Variants in MTUS2 observed in about 807,000 individuals in gnomAD.
MTUS2 encodes the protein microtubule-associated tumor suppressor candidate 2.
Under a neutral mutation model 114.1 loss-of-function variants are expected in MTUS2, and 40 were observed. The observed-to-expected ratio is 0.35, with a 90% CI of 0.27 to 0.46. MTUS2 has a LOEUF of 0.46. Among genes scored for constraint, MTUS2 ranks in the 20% least tolerant of loss-of-function variants. MTUS2 has a pLI of 1.00. For missense variants in MTUS2, 1,679 were observed against 1,705.4 expected, an observed-to-expected ratio of 0.98 and a Z score of 0.27; for synonymous variants, 688 against 672.0, an observed-to-expected ratio of 1.02 and a Z score of -0.37.
At chr13:28,944,826 G>C (rs996844147) in intron 2 of MTUS2, among the ~76,000 whole-genome samples, 1 of 152,052 alleles carries the variant, frequency 6.6e-6, no homozygotes, top group African/African-American at 2.4e-5. Flanking sequence ...CTCTTTTACT[G>C]TCTTATAACA....
At chr13:28,891,879 A>AAAAG (rs1295616690) in intron 2 of MTUS2, among the ~76,000 whole-genome samples, 1 of 150,798 alleles carries the variant, frequency 6.6e-6, no homozygotes, top group African/African-American at 2.4e-5. Flanking sequence ...AAAAAAAAAA[A>AAAAG]AAAGAATAAC....
chr13:29,108,124 T>A (rs2138852405), intron 5 of MTUS2, among the ~76,000 whole-genome samples: 1 of 152,290 alleles, frequency 6.6e-6, no homozygotes, highest in East Asian at 1.9e-4. Flanking sequence ...AAGATCAGGG[T>A]TGACAAGAAA....
intron 2 of MTUS2, among the ~76,000 whole-genome samples, chr13:28,841,091 T>C (rs1226847265): frequency 1.3e-5 from 2 of 151,074 alleles, no homozygotes; most frequent in South Asian, 2.1e-4. Flanking sequence ...TTTTTCCCAG[T>C]AAAAGAGATT....
At chr13:28,935,759 A>T (rs1008566013) in intron 2 of MTUS2, among the ~76,000 whole-genome samples, 8 of 147,312 alleles carry the variant, frequency 5.4e-5, no homozygotes, top group Non-Finnish European at 9.0e-5. Context: ...GACCAGGCTC[A>T]TTTTTTTTTT....
At chr13:28,904,771 T>C (rs1212089999) in intron 2 of MTUS2, among the ~76,000 whole-genome samples, 2 of 152,120 alleles carry the variant, frequency 1.3e-5, no homozygotes, top group African/African-American at 2.4e-5. Flanking sequence ...TTTAAAGTAG[T>C]TTTTTCCAAT....
chr13:29,307,445 A>G, intron 6 of MTUS2: 1 of 1,319,654 alleles, frequency 7.6e-7, no homozygotes, highest in Non-Finnish European at 1.1e-6. Flanking sequence ...GTCATCCCTG[A>G]GCTGAATGGG....
chr13:28,876,867 G>C (rs949520741), intron 2 of MTUS2, among the ~76,000 whole-genome samples: 2 of 152,060 alleles, frequency 1.3e-5, no homozygotes, highest in Admixed American at 6.6e-5. Context: ...GCACATAATA[G>C]GTTGTTGATA....
At chr13:29,338,846 G>A (rs1361964926) in intron 7 of MTUS2, among the ~76,000 whole-genome samples, 1 of 152,210 alleles carries the variant, frequency 6.6e-6, no homozygotes. Context: ...CAGGGAGAAG[G>A]CAGAAGTGGG....
chr13:29,283,329 T>C (rs2139548328), intron 6 of MTUS2, among the ~76,000 whole-genome samples: 2 of 152,334 alleles, frequency 1.3e-5, no homozygotes, highest in African/African-American at 4.8e-5. Flanking sequence ...GGGTGGTGAC[T>C]GTGTCTGTTT....
chr13:29,200,541 A>C (rs1345558552), intron 5 of MTUS2, among the ~76,000 whole-genome samples: 2 of 8,012 alleles, frequency 2.5e-4, no homozygotes, highest in Middle Eastern at 0.056. Flanking sequence ...TTTTTTTGAG[A>C]TGGAGTTTTG....
chr13:29,500,880 C>T (rs911522403), intron 14 of MTUS2, among the ~76,000 whole-genome samples: 1 of 151,680 alleles, frequency 6.6e-6, no homozygotes, highest in Non-Finnish European at 1.5e-5. Context: ...AAATTTGCTA[C>T]CTACAGTGCA....
chr13:28,851,037 T>C (rs1350427663), intron 2 of MTUS2, among the ~76,000 whole-genome samples: 1 of 152,234 alleles, frequency 6.6e-6, no homozygotes, highest in Admixed American at 6.5e-5. Context: ...TATTTGCAAG[T>C]TAAAACATAT....
In MTUS2 at chr13:29,389,521, GTA is replaced by G. The variant is rs1403463536; in HGVS notation, c.3117+30054_3117+30055del. Among the ~76,000 whole-genome samples, 35 of 35,368 alleles carry G rather than the reference GTA, an allele frequency of 9.9e-4. 5 individuals are homozygous for G. The highest frequency in any genetic ancestry group is 1.3e-3 in the South Asian group (1 of 756). 23.2% of individuals were successfully genotyped at this position (35,368 alleles called of 152,430 possible). A position where few individuals can be genotyped will look rare whatever the true frequency, so the allele number is the denominator to read the frequency against. ...TATATGTATACACGTGTGTGTATGT[GTA>G]TATATGTATACACGTGTGTATATGT... On this transcript the variant is annotated intron_variant, in intron 8 of 15. Transcript: ENST00000612955.
rs574301171 is a variant in MTUS2, at chr13:29,021,616, A to G, written c.-242-2841A>G. Among the ~76,000 whole-genome samples the G allele has an allele frequency of 2.2e-3, 342 of 152,308 alleles. 2 individuals are homozygous for G. The highest frequency in any genetic ancestry group is 7.4e-3 in the African/African-American group (309 of 41,570). ...CTTCTGCCCACAGAAAATTAGAGGC[A>G]GTTCCCTTCTGTGGATGGCCTATAT... On this transcript the variant is annotated intron_variant, in intron 2 of 15. Coordinates refer to ENST00000612955, the MANE Select transcript of MTUS2 (RefSeq NM_001033602.4).
intron 2 of MTUS2, among the ~76,000 whole-genome samples, chr13:28,841,979 C>A (rs1010736410): frequency 6.6e-6 from 1 of 152,194 alleles, no homozygotes; most frequent in Non-Finnish European, 1.5e-5. Flanking sequence ...GCCACCGCGC[C>A]CGGCCAAAGT....
chr13:29,355,883 T>G (rs1055677377), intron 7 of MTUS2, among the ~76,000 whole-genome samples: 8 of 152,206 alleles, frequency 5.3e-5, no homozygotes, highest in African/African-American at 1.9e-4. Context: ...TCCCTTCATT[T>G]AAAGATTCTG....
chr13:28,907,676 AG>A lies in MTUS2; in HGVS notation c.-243+67829del, dbSNP rs575258384. Among the ~76,000 whole-genome samples the A allele has an allele frequency of 5.7e-4, 87 of 151,746 alleles. 1 individual carries two copies. Among genetic ancestry groups the A allele is most frequent in the African/African-American group, 2.1e-3 (86 of 41,210 alleles). On this transcript the variant is annotated intron_variant, in intron 2 of 15. Coordinates refer to ENST00000612955, the MANE Select transcript of MTUS2 (RefSeq NM_001033602.4). ...AAAGAAGGCCATTACATAATGGTAA[AG>A]GGATCAATTCAACAAAAAGAGCTAA...
intron 8 of MTUS2, among the ~76,000 whole-genome samples, chr13:29,410,273 C>T (rs1365561461): frequency 2.0e-5 from 3 of 151,914 alleles, no homozygotes; most frequent in East Asian, 3.9e-4. Context: ...TACAGGTGCC[C>T]GCCACCATGA....
intron 5 of MTUS2, among the ~76,000 whole-genome samples, chr13:29,268,600 T>G (rs1349595682): frequency 6.6e-6 from 1 of 152,186 alleles, no homozygotes; most frequent in Admixed American, 6.5e-5. Flanking sequence ...TCCAGTCTTA[T>G]CTTTCCACAG....
Sources: gnomAD v4.1 joint callset for allele counts (sites outside exome capture counted in the v4.1 genomes callset) on GRCh38, gnomAD v4.1.1 for gene constraint, MANE v1.5 for transcripts, NCBI Gene and HGNC (gene_info 2026-07-23, HGNC 2026-07-21) for gene names.